TBC1D10B: variants seen among roughly 807,000 people sequenced by gnomAD.
TBC1D10B encodes the protein TBC1 domain family member 10B.
Under a neutral mutation model 78.4 loss-of-function variants are expected in TBC1D10B, and 25 were observed. That is an observed-to-expected ratio of 0.32 (90% CI 0.23 to 0.45). TBC1D10B has a LOEUF of 0.45. Among genes scored for constraint, TBC1D10B ranks in the 20% least tolerant of loss-of-function variants. The probability of loss-of-function intolerance (pLI) is 1.00; values close to 1 mark genes in which losing one functional copy is unlikely to be tolerated. For synonymous variants in TBC1D10B, 517 were observed against 478.0 expected, an observed-to-expected ratio of 1.08 and a Z score of -1.06; for missense variants, 996 against 1,104.8, an observed-to-expected ratio of 0.90 and a Z score of 1.40.
intron 4 of TBC1D10B, among the ~76,000 whole-genome samples, chr16:30,360,946 T>C (rs2049594449): frequency 6.6e-6 from 1 of 151,816 alleles, no homozygotes; most frequent in Admixed American, 6.6e-5. Flanking sequence ...CTCTCCACCG[T>C]TCCCACAAGC....
In TBC1D10B at chr16:30,364,950, C is replaced by T. The variant is rs1305093670; in HGVS notation, c.1221G>A (p.Leu407=). Residue 407 remains leucine, a synonymous_variant, in exon 4 of 9, where the codon CTG becomes CTA. Transcript: ENST00000409939. The part of the protein sequence containing the change: ...PKWLDVIEKD[L]HRQFPFHEMF... ...TCTCGTGGAAAGGGAACTGGCGGTG[C>T]AGGTCCTTCTCAATCACATCCAGCC... 2 of 1,613,036 alleles carry T rather than the reference C, an allele frequency of 1.2e-6. No individual in the cohort carries two copies. The highest frequency in any genetic ancestry group is 3.3e-5 in the Admixed American group (2 of 59,918).
Position 30,370,019 on chromosome 16 carries a change from G to A in TBC1D10B, c.165C>T (p.Pro55=), listed in dbSNP as rs2151104055. 1 of 1,231,574 alleles carries A rather than the reference G, an allele frequency of 8.1e-7. No individual in the cohort carries two copies. Among genetic ancestry groups the A allele is most frequent in the Non-Finnish European group, 1.0e-6 (1 of 987,344 alleles). 76.3% of individuals were successfully genotyped at this position (1,231,574 alleles called of 1,614,324 possible). The change falls in exon 1 of 9, where the codon CCC becomes CCT. Residue 55 remains proline, a synonymous_variant. Transcript: ENST00000409939. ...GGACCCAGGCGGGCCGCGCCTCCCC[G>A]GGGGCCACCAGGGTGACGGGGGCCG... ...ATSAPVTLVA[P]GEARPAWVPG...
chr16:30,359,447 C>T (rs1174149657), intron 6 of TBC1D10B, 86 bp from the exon 7 acceptor site: 28 of 1,545,818 alleles, frequency 1.8e-5, no homozygotes, highest in Non-Finnish European at 2.3e-5. Context: ...GGGCAGAAGC[C>T]GGGAAGGCCA....
At position 30,357,935 on chromosome 16, in the gene TBC1D10B, G is replaced by A. The variant is rs1481386424; in HGVS notation, c.*9C>T. 11 of 1,547,894 alleles carry A rather than the reference G, an allele frequency of 7.1e-6. No individual in the cohort carries two copies. Among genetic ancestry groups the A allele is most frequent in the Non-Finnish European group, 9.6e-6 (11 of 1,145,226 alleles). On this transcript the variant is annotated 3_prime_UTR_variant, in exon 9 of 9. Coordinates refer to ENST00000409939, the MANE Select transcript of TBC1D10B (RefSeq NM_015527.4). ...AGGGGGGCCATGCAGTCCAGCCCCA[G>A]GGCAGAGGTCAGAAGTAAGCGTCCT...
At position 30,358,184 on chromosome 16, in the gene TBC1D10B, C is replaced by T. The variant is rs1227694092; in HGVS notation, c.2187G>A (p.Gln729=). Reference sequence around the variant, plus strand: ...GTTTCTGCCGCTCCTTCTCCTGTTTCTGCCGCTCCTTCTCCTGCTTCCGGG... The same window carrying T: ...GTTTCTGCCGCTCCTTCTCCTGTTTTTGCCGCTCCTTCTCCTGCTTCCGGG... ...KETRKQEKER[Q]KQEKERQKQE... The change falls in exon 9 of 9, where the codon CAG becomes CAA. Residue 729 remains glutamine (Q), a synonymous_variant. Transcript: ENST00000409939. 6.4e-7 allele frequency: 1 copy of T among 1,552,428 alleles called. No individual in the cohort carries two copies. The highest frequency in any genetic ancestry group is 8.7e-7 in the Non-Finnish European group (1 of 1,147,210).
Position 30,369,693 on chromosome 16 carries a change from G to A in TBC1D10B, c.491C>T (p.Ala164Val), listed in dbSNP as rs2049669242. The A allele has an allele frequency of 2.6e-6, 4 of 1,521,832 alleles. No individual in the cohort carries two copies. The highest frequency in any genetic ancestry group is 2.8e-5 in the African/African-American group (2 of 71,886). The allele number at this position is 1,521,832 out of a possible 1,614,324, so 94.3% of individuals were successfully genotyped here. Residue 164 changes from alanine (A) to valine (V), a missense_variant, in exon 1 of 9, where the codon GCC (alanine) becomes GTC (valine). This residue lies in a region of TBC1D10B where 448 missense variants were observed against 442.1 expected (regional missense o/e 1.01). Transcript: ENST00000409939. This position sits in a 1 kb window ranked among gnomAD's most constrained non-coding sequence, Gnocchi z 4.3. Reference protein sequence around the residue: ...TRTPSRTAPGALTAKPPLAPK... With the variant: ...TRTPSRTAPGVLTAKPPLAPK... ...GGCAAGCGGGGGTTTGGCGGTCAGGGCACCAGGAGCCGTTCTGGAAGGGGT... is the reference window on the plus strand; with the variant it reads ...GGCAAGCGGGGGTTTGGCGGTCAGGACACCAGGAGCCGTTCTGGAAGGGGT...
chr16:30,359,355 T>A lies in TBC1D10B; in HGVS notation c.1459A>T (p.Ile487Phe). Residue 487 changes from isoleucine (I) to phenylalanine (F), a missense_variant, in exon 7 of 9, where the codon ATT (isoleucine) becomes TTT (phenylalanine). Coordinates refer to ENST00000409939, the MANE Select transcript of TBC1D10B (RefSeq NM_015527.4). Reference sequence around the variant, plus strand: ...AAAAAGATCTCCCCGTCCAGCTGAATGGCCTCCTGCAGGTGGGACAAGCCA... The same window carrying A: ...AAAAAGATCTCCCCGTCCAGCTGAAAGGCCTCCTGCAGGTGGGACAAGCCA... ...PGYYSAGLEAIQLDGEIFFAL... is the reference protein window; with the variant it reads ...PGYYSAGLEAFQLDGEIFFAL... 1 of 1,565,046 alleles carries A rather than the reference T, an allele frequency of 6.4e-7. No individual in the cohort carries two copies.
rs1369165049 is a variant in TBC1D10B, at chr16:30,370,090, G to T, written c.94C>A (p.Pro32Thr). The change falls in exon 1 of 9, where the codon CCC becomes ACC. Residue 32 changes from proline (P) to threonine (T), a missense_variant. By Grantham distance (38) the Pro-to-Thr change is conservative (BLOSUM62 -1). Coordinates refer to ENST00000409939, the MANE Select transcript of TBC1D10B (RefSeq NM_015527.4). ...SPPPRGSRAG[P>T]VVVVAPGPPV... ...GGTCCCGGAGCCACCACCACGACGG[G>T]CCCGGCCCGGGAACCCCGGGGCGGC... The T allele has an allele frequency of 2.4e-5, 30 of 1,224,762 alleles. No homozygotes were observed. The Admixed American group carries it at 1.2e-3, about 49-fold the overall frequency. The allele number at this position is 1,224,762 out of a possible 1,614,324, so 75.9% of individuals were successfully genotyped here.
In TBC1D10B at chr16:30,358,470, C is replaced by T. The variant is rs747731612; in HGVS notation, c.1901G>A (p.Arg634Gln). Residue 634 changes from arginine to glutamine, a missense_variant, in exon 9 of 9, where the codon CGG becomes CAG. Around this residue, in one of 5 missense-constraint regions of TBC1D10B, gnomAD observed 285 missense variants for 252.5 expected, o/e 1.13. Transcript: ENST00000409939. ...TRGELQYRPS[R>Q]RLHGSRAIHE... The stretch of plus-strand genomic sequence containing the variant: ...GATGGCCCGGGACCCATGCAGTCGC[C>T]GTGAGGGCCGATACTGCAGCTCCCC... The T allele has an allele frequency of 5.6e-6, 9 of 1,594,670 alleles. No homozygotes were observed. Among genetic ancestry groups the T allele is most frequent in the East Asian group, 2.3e-5 (1 of 43,722 alleles).
At chr16:30,363,815 T>C (rs961458118) in intron 4 of TBC1D10B, among the ~76,000 whole-genome samples, 2 of 152,098 alleles carry the variant, frequency 1.3e-5, no homozygotes, top group Non-Finnish European at 2.9e-5. Flanking sequence ...GGATGAATTA[T>C]TGATTTAAAA....
chr16:30,359,164 A>C lies in TBC1D10B; in HGVS notation c.1642+8T>G, dbSNP rs1644287310. The C allele has an allele frequency of 6.2e-7, 1 of 1,606,286 alleles. No homozygotes were observed. Among genetic ancestry groups the C allele is most frequent in the Non-Finnish European group, 8.5e-7 (1 of 1,176,610 alleles). On this transcript the variant is annotated splice_region_variant and intron_variant, in intron 7 of 8. Transcript: ENST00000409939. ...AGCCCCTCATGGCCTGGAGGGCCAC[A>C]GAAGTACCTTCACAGAAAAACATGT...
rs999566738 is a variant in TBC1D10B at position 30,358,416 on chromosome 16, G to C, written c.1955C>G (p.Pro652Arg). The C allele has an allele frequency of 6.3e-7, 1 of 1,578,274 alleles. No individual in the cohort carries two copies. The highest frequency in any genetic ancestry group is 8.6e-7 in the Non-Finnish European group (1 of 1,162,754). Residue 652 changes from proline to arginine, a missense_variant, in exon 9 of 9, where the codon CCC becomes CGC. Coordinates refer to ENST00000409939, the MANE Select transcript of TBC1D10B (RefSeq NM_015527.4). ...IHEERRRQQP[P>R]LGPSSSLLSL... ...GAGGAGGCTGGAGGAGGGGCCCAGG[G>C]GTGGCTGTTGCCGCCGGCGCTCCTC...
intron 4 of TBC1D10B, among the ~76,000 whole-genome samples, chr16:30,361,923 T>C (rs1347422409): frequency 6.6e-6 from 1 of 150,834 alleles, no homozygotes; most frequent in Non-Finnish European, 1.5e-5. Context: ...CTCGGCTCAC[T>C]GCAAGCTCTG....
In TBC1D10B at chr16:30,357,910, AG is replaced by A; in HGVS notation, c.*33del. On this transcript the variant is annotated 3_prime_UTR_variant, in exon 9 of 9. Transcript: ENST00000409939. The stretch of plus-strand genomic sequence containing the variant: ...AGGCCTGTTCTTGGCTGAGGGAAAG[AG>A]GGGGGCCATGCAGTCCAGCCCCAGG... The A allele has an allele frequency of 3.9e-6, 6 of 1,531,796 alleles. No individual in the cohort carries two copies. The highest frequency in any genetic ancestry group is 3.5e-6 in the Non-Finnish European group (4 of 1,137,164). The allele number at this position is 1,531,796 out of a possible 1,614,324, so 94.9% of individuals were successfully genotyped here.
At position 30,357,308 on chromosome 16, in the gene TBC1D10B, C is replaced by G. The variant is rs1157332115; in HGVS notation, c.*636G>C. The G allele has an allele frequency of 4.5e-5, 7 of 156,688 alleles. No homozygotes were observed. The highest frequency in any genetic ancestry group is 4.3e-4 in the Admixed American group (7 of 16,172). 9.7% of individuals were successfully genotyped at this position (156,688 alleles called of 1,614,324 possible). ...ACAAAAGCAGGGGGGCCTGAGAACA[C>G]AGAGCAAGGTGGGTTTGGAGGGAGC... On this transcript the variant is annotated 3_prime_UTR_variant, in exon 9 of 9. Coordinates refer to ENST00000409939, the MANE Select transcript of TBC1D10B (RefSeq NM_015527.4).
intron 4 of TBC1D10B, chr16:30,360,239 C>T (rs968728815): frequency 5.7e-6 from 1 of 176,152 alleles, no homozygotes; most frequent in Admixed American, 5.6e-5. Context: ...CACTGGATTT[C>T]ATGGTTCTTG....
chr16:30,359,709 C>T lies in TBC1D10B; in HGVS notation c.1386+18G>A. 1 of 1,562,760 alleles carries T rather than the reference C, an allele frequency of 6.4e-7. No homozygotes were observed. The highest frequency in any genetic ancestry group is 8.7e-7 in the Non-Finnish European group (1 of 1,153,386). The stretch of plus-strand genomic sequence containing the variant: ...GAGATCCCCCCTGCCCCTCCCGGCC[C>T]AGGACCAGGGCGCTGACCTCCGCAG... On this transcript the variant is annotated intron_variant, in intron 5 of 8. Coordinates refer to ENST00000409939, the MANE Select transcript of TBC1D10B (RefSeq NM_015527.4).
chr16:30,369,316 T>A lies in TBC1D10B; in HGVS notation c.868A>T (p.Met290Leu). ...CCGTTTATCTCTGAATCTGAGCCCATGGAGCTCACATCATCCGCCAAGGAC... is the reference window on the plus strand; with the variant it reads ...CCGTTTATCTCTGAATCTGAGCCCAAGGAGCTCACATCATCCGCCAAGGAC... ...LESLADDVSS[M>L]GSDSEINGLA... The change falls in exon 1 of 9, where the codon ATG (methionine) becomes TTG (leucine). Residue 290 changes from methionine (M) to leucine (L), a missense_variant. Physicochemically the swap from Met to Leu is conservative, Grantham distance 15. This residue lies in a region of TBC1D10B where 448 missense variants were observed against 442.1 expected (regional missense o/e 1.01). Coordinates refer to ENST00000409939, the MANE Select transcript of TBC1D10B (RefSeq NM_015527.4). This position sits in a 1 kb window ranked among gnomAD's most constrained non-coding sequence, Gnocchi z 4.3. 6.3e-7 allele frequency: 1 copy of A among 1,595,574 alleles called. No individual in the cohort carries two copies. The highest frequency in any genetic ancestry group is 8.5e-7 in the Non-Finnish European group (1 of 1,171,424).
At chr16:30,366,013 A>G (rs1438826517) in intron 1 of TBC1D10B, 1 of 199,392 alleles carries the variant, frequency 5.0e-6, no homozygotes, top group African/African-American at 2.3e-5. Context: ...TTTATACGAA[A>G]TAACACACAG....
Sources: gnomAD v4.1 joint callset for allele counts (sites outside exome capture counted in the v4.1 genomes callset) on GRCh38, gnomAD v4.1.1 for gene constraint, gnomAD v4.1.1 regional missense constraint, Gnocchi (gnomAD v3.1) non-coding constraint, MANE v1.5 for transcripts, NCBI Gene and HGNC (gene_info 2026-07-23, HGNC 2026-07-21) for gene names.